Variants in ITGA8 observed in about 807,000 individuals in gnomAD.
The protein encoded by ITGA8 is integrin alpha-8.
Under a neutral mutation model 142.3 loss-of-function variants are expected in ITGA8, and 91 were observed. That is an observed-to-expected ratio of 0.64 (90% CI 0.54 to 0.76). ITGA8 has a LOEUF of 0.76. Among genes scored for constraint, ITGA8 ranks in the 30% least tolerant of loss-of-function variants. ITGA8 has a pLI of 0.00. For missense variants in ITGA8, 1,406 were observed against 1,327.7 expected (o/e 1.06, Z -0.92); for synonymous variants, 505 against 485.2 (o/e 1.04, Z -0.54).
intron 2 of ITGA8, among the ~76,000 whole-genome samples, chr10:15,700,970 C>G (rs774498700): frequency 6.6e-5 from 10 of 152,094 alleles, no homozygotes; most frequent in Non-Finnish European, 1.5e-4. Context: ...GTATTATCTA[C>G]CCTTTGAGAA....
At chr10:15,658,804 A>C (rs7097592) in intron 10 of ITGA8, among the ~76,000 whole-genome samples, 195 bp downstream of exon 10, 1 of 152,154 alleles carries the variant, frequency 6.6e-6, no homozygotes, top group Non-Finnish European at 1.5e-5. Context: ...CTCCCCTGCC[A>C]CCTCACTGCT....
At chr10:15,631,530 C>T (rs185250164) in intron 13 of ITGA8, among the ~76,000 whole-genome samples, 1 of 151,818 alleles carries the variant, frequency 6.6e-6, no homozygotes, top group Non-Finnish European at 1.5e-5. Flanking sequence ...AACACATGGA[C>T]ACAGAGACAG....
At chr10:15,655,229 G>A (rs1195942519) in intron 11 of ITGA8, 125 bp downstream of exon 11, 1 of 577,594 alleles carries the variant, frequency 1.7e-6, no homozygotes, top group Non-Finnish European at 3.0e-6. Context: ...AACCAAAAAA[G>A]TTGAGAACAA....
Position 15,719,771 on chromosome 10 carries a change from TCTCC to T in ITGA8, c.-4_-1del, listed in dbSNP as rs11575600. The T allele has an allele frequency of 0.16, 216,366 of 1,346,214 alleles. 18,212 individuals are homozygous for T. Among genetic ancestry groups the T allele is most frequent in the South Asian group, 0.22 (11,438 of 51,932 alleles). The allele number at this position is 1,346,214 out of a possible 1,614,324, so 83.4% of individuals were successfully genotyped here. A position where few individuals can be genotyped will look rare whatever the true frequency, so the allele number is the denominator to read the frequency against. The stretch of plus-strand genomic sequence containing the variant: ...GGACCGCGGCTGGCCCCGGGCGACA[TCTCC>T]CTCCGCCCCGGTGGGTGGCTGCTAC... On this transcript the variant is annotated 5_prime_UTR_variant, in exon 1 of 30. Transcript: ENST00000378076.
chr10:15,632,664 G>C lies in ITGA8; in HGVS notation c.1399+11366C>G, dbSNP rs559024970. 4.6e-5 allele frequency among the ~76,000 whole-genome samples: 7 copies of C among 152,242 alleles called. No homozygotes were observed. The East Asian group carries it at 7.7e-4, about 17-fold the overall frequency. On this transcript the variant is annotated intron_variant, in intron 13 of 29. Transcript: ENST00000378076. The stretch of plus-strand genomic sequence containing the variant: ...CTCTTATCACACCAAGGTCACTACA[G>C]CTTGAAATCAATCATGGTGAGGATA...
At chr10:15,690,842 T>C (rs996755276) in intron 2 of ITGA8, among the ~76,000 whole-genome samples, 1 of 149,922 alleles carries the variant, frequency 6.7e-6, no homozygotes, top group African/African-American at 2.5e-5. Context: ...CCAGAGCCAA[T>C]GCACGCTACC....
rs1231069967 is a variant in ITGA8 at position 15,572,244 on chromosome 10, T to C, written c.2604A>G (p.Gln868=). The C allele has an allele frequency of 6.2e-7, 1 of 1,613,886 alleles. No individual in the cohort carries two copies. The highest frequency in any genetic ancestry group is 8.5e-7 in the Non-Finnish European group (1 of 1,179,930). The stretch of plus-strand genomic sequence containing the variant: ...CCTGTGGATTGATATTAGGATTTGG[T>C]TGGCACTGCAGAGGTCCCAGAGTTT... The part of the protein sequence containing the change: ...HIQTLGPLQC[Q]PNPNINPQDI... The change falls in exon 25 of 30, where the codon CAA becomes CAG. Residue 868 remains glutamine, a synonymous_variant. Transcript: ENST00000378076.
intron 13 of ITGA8, among the ~76,000 whole-genome samples, chr10:15,634,626 C>T (rs1457491057): frequency 6.6e-6 from 1 of 152,170 alleles, no homozygotes; most frequent in Non-Finnish European, 1.5e-5. Context: ...CACATACTTG[C>T]TGGGTATATG....
rs1323213397 is a variant in ITGA8 at position 15,613,690 on chromosome 10, T to C, written c.1523A>G (p.Gln508Arg). 1.2e-6 allele frequency: 2 copies of C among 1,614,008 alleles called. No homozygotes were observed. The highest frequency in any genetic ancestry group is 4.5e-5 in the East Asian group (2 of 44,886). Residue 508 changes from glutamine to arginine, a missense_variant, in exon 15 of 30, where the codon CAG becomes CGG. Physicochemically the swap from Gln to Arg is conservative, Grantham distance 43. Coordinates refer to ENST00000378076, the MANE Select transcript of ITGA8 (RefSeq NM_003638.3). ...MIINLENKTC[Q>R]VPDSMTSAAC... ...AGCAGATGTCATAGAGTCTGGAACC[T>C]GGCAAGTTTTATTTTCAAGATTGAT...
At chr10:15,644,433 A>T (rs1342949726) in intron 12 of ITGA8, among the ~76,000 whole-genome samples, 7 of 42,456 alleles carry the variant, frequency 1.6e-4, no homozygotes, top group African/African-American at 6.1e-4. Flanking sequence ...ATGTCAGGCT[A>T]ATATATATAT....
intron 8 of ITGA8, among the ~76,000 whole-genome samples, chr10:15,666,554 T>C (rs570405047): frequency 6.6e-6 from 1 of 152,300 alleles, no homozygotes; most frequent in South Asian, 2.1e-4. Context: ...TCCAACACTA[T>C]GTTGAATAGG....
At chr10:15,535,815 T>C (rs1466601181) in intron 27 of ITGA8, among the ~76,000 whole-genome samples, 1 of 152,020 alleles carries the variant, frequency 6.6e-6, no homozygotes, top group Non-Finnish European at 1.5e-5. Flanking sequence ...TGTGGCAGGT[T>C]TGTTCTTTTG....
At chr10:15,665,123 G>A (rs1207665967) in intron 8 of ITGA8, among the ~76,000 whole-genome samples, 1 of 152,158 alleles carries the variant, frequency 6.6e-6, no homozygotes, top group African/African-American at 2.4e-5. Context: ...CTAGTTTACA[G>A]TTCCACCAAC....
intron 4 of ITGA8, 99 bp downstream of exon 4, chr10:15,683,905 C>T: frequency 1.4e-6 from 2 of 1,429,190 alleles, no homozygotes; most frequent in East Asian, 2.3e-5. Context: ...CCTTGCAACC[C>T]TGTAAGTTAT....
chr10:15,620,855 A>G (rs969238013), intron 13 of ITGA8, among the ~76,000 whole-genome samples: 1 of 152,218 alleles, frequency 6.6e-6, no homozygotes, highest in Non-Finnish European at 1.5e-5. Context: ...ATACACATAC[A>G]TTTATATTTA....
At chr10:15,666,503 T>C (rs1459223351) in intron 8 of ITGA8, among the ~76,000 whole-genome samples, 2 of 152,112 alleles carry the variant, frequency 1.3e-5, no homozygotes, top group African/African-American at 2.4e-5. Flanking sequence ...AATTGAATAC[T>C]CTTTATTTCC....
At chr10:15,665,030 C>T (rs1207723900) in intron 8 of ITGA8, among the ~76,000 whole-genome samples, 1 of 152,102 alleles carries the variant, frequency 6.6e-6, no homozygotes, top group Non-Finnish European at 1.5e-5. Flanking sequence ...GGTATATACC[C>T]AGTAATGGGA....
At chr10:15,578,866 T>C (rs1341049835) in intron 23 of ITGA8, among the ~76,000 whole-genome samples, 1 of 152,148 alleles carries the variant, frequency 6.6e-6, no homozygotes, top group African/African-American at 2.4e-5. Context: ...TGTGCTAAAC[T>C]GATCCTTTGT....
At chr10:15,664,850 C>A (rs1430703224) in intron 8 of ITGA8, among the ~76,000 whole-genome samples, 1 of 152,054 alleles carries the variant, frequency 6.6e-6, no homozygotes, top group Non-Finnish European at 1.5e-5. Context: ...ATGAACTCAT[C>A]CTTTTTATGG....
Sources: allele counts gnomAD v4.1 joint callset (sites outside exome capture counted in the v4.1 genomes callset), GRCh38; gene constraint gnomAD v4.1.1; transcripts MANE v1.5; gene names NCBI Gene and HGNC (gene_info 2026-07-23, HGNC 2026-07-21).